The following A4GALT variants were observed in gnomAD, a reference collection of about 807,000 sequenced individuals.
The protein encoded by A4GALT is alpha 1,4-galactosyltransferase (P1PK blood group), also known as lactosylceramide 4-alpha-galactosyltransferase.
For missense variants in A4GALT, 512 were observed against 486.0 expected (o/e 1.05, Z -0.50); for synonymous variants, 257 against 220.7 (o/e 1.16, Z -1.46).
In A4GALT at chr22:42,702,691, C is replaced by T. The variant is rs1412966670; in HGVS notation, c.-187-7060G>A. 2.6e-5 allele frequency among the ~76,000 whole-genome samples: 3 copies of T among 115,100 alleles called. 1 individual carries two copies. The highest frequency in any genetic ancestry group is 7.3e-5 in the Admixed American group (1 of 13,654). The allele number at this position is 115,100 out of a possible 152,430, so 75.5% of individuals were successfully genotyped here. A position where few individuals can be genotyped will look rare whatever the true frequency, so the allele number is the denominator to read the frequency against. ...GGGAGCCCCCTTGCCAGGAAGAGGA[C>T]ACCTGGACTCACTGGAACTGGGTGG... On this transcript the variant is annotated intron_variant, in intron 1 of 2. Coordinates refer to ENST00000642412, the MANE Select transcript of A4GALT (RefSeq NM_017436.7).
intron 1 of A4GALT, among the ~76,000 whole-genome samples, chr22:42,719,362 C>G (rs1433313876): frequency 6.6e-6 from 1 of 152,090 alleles, no homozygotes; most frequent in African/African-American, 2.4e-5. Context: ...ACTAGGGAAG[C>G]TGGGGTGGGA....
At chr22:42,715,242 T>C (rs1415175785) in intron 1 of A4GALT, among the ~76,000 whole-genome samples, 1 of 152,034 alleles carries the variant, frequency 6.6e-6, no homozygotes, top group African/African-American at 2.4e-5. Flanking sequence ...CACCTTAAGG[T>C]AGTTCCTGCC....
At chr22:42,711,932 A>AT (rs1921734775) in intron 1 of A4GALT, among the ~76,000 whole-genome samples, 2 of 152,040 alleles carry the variant, frequency 1.3e-5, no homozygotes, top group South Asian at 2.1e-4. Flanking sequence ...CTCAGTACGT[A>AT]TTTTTTTGAA....
chr22:42,696,022 C>T (rs964111162), intron 1 of A4GALT, among the ~76,000 whole-genome samples: 3 of 148,586 alleles, frequency 2.0e-5, no homozygotes, highest in African/African-American at 7.5e-5. Context: ...ACTCAGGTGA[C>T]TGAGGCAGGA....
At chr22:42,710,654 G>A (rs1921600486) in intron 1 of A4GALT, among the ~76,000 whole-genome samples, 1 of 151,898 alleles carries the variant, frequency 6.6e-6, no homozygotes. Context: ...CCAAGATGGT[G>A]CCATCTCACT....
chr22:42,692,405 A>C lies in A4GALT; in HGVS notation c.*485T>G. 2 of 287,150 alleles carry C rather than the reference A, an allele frequency of 7.0e-6. No homozygotes were observed. Among genetic ancestry groups the C allele is most frequent in the African/African-American group, 2.3e-5 (1 of 43,946 alleles). The allele number at this position is 287,150 out of a possible 1,614,324, so 17.8% of individuals were successfully genotyped here. The stretch of plus-strand genomic sequence containing the variant: ...CCTCCCCCACCCCCCGCGAAAGAGG[A>C]ACCAAAACCAGAAAAGAACAAAGCA... On this transcript the variant is annotated 3_prime_UTR_variant, in exon 3 of 3. Coordinates refer to ENST00000642412, the MANE Select transcript of A4GALT (RefSeq NM_017436.7). This position sits in a 1 kb window ranked among gnomAD's most constrained non-coding sequence, Gnocchi z 4.6.
At chr22:42,713,810 C>CAA (rs35353035) in intron 1 of A4GALT, among the ~76,000 whole-genome samples, 2 of 93,142 alleles carry the variant, frequency 2.1e-5, no homozygotes, top group Non-Finnish European at 4.4e-5. Flanking sequence ...GAAACTCTGT[C>CAA]AAAAAAAAAA....
chr22:42,712,948 T>TC (rs1021385413), intron 1 of A4GALT, among the ~76,000 whole-genome samples: 1 of 151,924 alleles, frequency 6.6e-6, no homozygotes, highest in African/African-American at 2.4e-5. Context: ...GTGCTCATTC[T>TC]CCCCCCGCTC....
intron 1 of A4GALT, among the ~76,000 whole-genome samples, chr22:42,696,949 C>G (rs1002008598): frequency 2.0e-5 from 3 of 151,588 alleles, no homozygotes; most frequent in African/African-American, 7.3e-5. Flanking sequence ...CCTGGGCCCC[C>G]TGAAATTCCA....
intron 1 of A4GALT, among the ~76,000 whole-genome samples, chr22:42,703,097 GC>G (rs1569047909): frequency 3.1e-5 from 3 of 95,380 alleles, no homozygotes; most frequent in African/African-American, 2.2e-4. Flanking sequence ...GAGAGAGCAT[GC>G]TGCCCCACTG....
chr22:42,716,598 G>A (rs1221270647), intron 1 of A4GALT, among the ~76,000 whole-genome samples: 4 of 152,260 alleles, frequency 2.6e-5, no homozygotes, highest in African/African-American at 9.6e-5. Flanking sequence ...ACCCTTTGCT[G>A]GGGGAAAGGG....
At chr22:42,719,578 A>G (rs1350952078) in intron 1 of A4GALT, among the ~76,000 whole-genome samples, 1 of 152,112 alleles carries the variant, frequency 6.6e-6, no homozygotes, top group Non-Finnish European at 1.5e-5. Context: ...GGTTGCAGCT[A>G]TGGAAACACA....
intron 1 of A4GALT, chr22:42,718,380 G>A (rs1922381010): frequency 6.6e-6 from 1 of 152,184 alleles, no homozygotes; most frequent in Admixed American, 6.5e-5. Context: ...TCCTGCCTCA[G>A]CCTCCTGAGT....
At chr22:42,715,848 T>G (rs954562267) in intron 1 of A4GALT, among the ~76,000 whole-genome samples, 6 of 91,754 alleles carry the variant, frequency 6.5e-5, no homozygotes, top group Non-Finnish European at 1.2e-4. Flanking sequence ...TTTGTTTTTT[T>G]TGAGATGGAG....
chr22:42,708,544 GAGAA>G (rs1037074705), intron 1 of A4GALT, among the ~76,000 whole-genome samples: 1 of 43,362 alleles, frequency 2.3e-5, no homozygotes, highest in Admixed American at 2.5e-4. Context: ...AGAGGAAAGA[GAGAA>G]GGAAGGAAGG....
intron 1 of A4GALT, among the ~76,000 whole-genome samples, chr22:42,700,200 C>G (rs1931207664): frequency 6.6e-6 from 1 of 152,202 alleles, no homozygotes; most frequent in African/African-American, 2.4e-5. Flanking sequence ...TATGTGTTTT[C>G]CGTTGTGTCA....
intron 1 of A4GALT, among the ~76,000 whole-genome samples, chr22:42,711,633 GTTTTT>G (rs1458362259): frequency 6.6e-6 from 1 of 151,988 alleles, no homozygotes; most frequent in African/African-American, 2.4e-5. Context: ...TCTGTATTTT[GTTTTT>G]TGTTTTTTTT....
At chr22:42,708,514 G>A (rs375165046) in intron 1 of A4GALT, among the ~76,000 whole-genome samples, 22 of 147,012 alleles carry the variant, frequency 1.5e-4, no homozygotes, top group African/African-American at 4.0e-4. Context: ...TGTATGACAC[G>A]GCAAGACCCT....
intron 1 of A4GALT, among the ~76,000 whole-genome samples, chr22:42,709,607 T>C (rs1921501397): frequency 6.6e-6 from 1 of 151,860 alleles, no homozygotes; most frequent in Non-Finnish European, 1.5e-5. Flanking sequence ...CTGGCCAACA[T>C]GGCAAAAACC....
Sources: gnomAD v4.1 joint callset for allele counts (sites outside exome capture counted in the v4.1 genomes callset) on GRCh38, gnomAD v4.1.1 for gene constraint, Gnocchi (gnomAD v3.1) non-coding constraint, MANE v1.5 for transcripts, NCBI Gene and HGNC (gene_info 2026-07-23, HGNC 2026-07-21) for gene names.